The following RIC1 variants were observed in gnomAD, a reference collection of about 807,000 sequenced individuals.
RIC1 encodes guanine nucleotide exchange factor subunit RIC1.
In RIC1, 88 loss-of-function variants were observed where a neutral mutation model predicts 169.0. That is an observed-to-expected ratio of 0.52 (90% CI 0.44 to 0.62). RIC1 has a LOEUF of 0.62. Ranked by LOEUF, RIC1 falls within the 20% of genes least tolerant of loss-of-function variation. RIC1 has a pLI of 0.00. For missense variants in RIC1, 1,877 were observed against 1,725.5 expected, an observed-to-expected ratio of 1.09 and a Z score of -1.56; for synonymous variants, 790 against 601.5, an observed-to-expected ratio of 1.31 and a Z score of -4.59.
chr9:5,732,412 G>A lies in RIC1; in HGVS notation c.745G>A (p.Asp249Asn). The A allele has an allele frequency of 6.2e-7, 1 of 1,610,458 alleles. No individual in the cohort carries two copies. Residue 249 changes from aspartate (D) to asparagine (N), a missense_variant, in exon 7 of 26, where the codon GAT becomes AAT. This residue lies in a region of RIC1 where 1,104 missense variants were observed against 992.0 expected (regional missense o/e 1.11). Coordinates refer to ENST00000414202, the MANE Select transcript of RIC1 (RefSeq NM_020829.4). ...AEQLHGVWPQ[D>N]VVDGTCVAVN... ...GCAGCTTCATGGAGTTTGGCCACAAGATGTTGTTGACGGAACGTGTGTAGC... is the reference window on the plus strand; with the variant it reads ...GCAGCTTCATGGAGTTTGGCCACAAAATGTTGTTGACGGAACGTGTGTAGC...
intron 17 of RIC1, among the ~76,000 whole-genome samples, chr9:5,758,752 CT>C (rs1233419584): frequency 4.9e-4 from 18 of 36,402 alleles, no homozygotes; most frequent in East Asian, 8.0e-4. Context: ...GTCCTTTTTT[CT>C]TTTTTTTTTT....
chr9:5,763,578 T>G lies in RIC1; in HGVS notation c.2551T>G (p.Cys851Gly), dbSNP rs771156904. The change falls in exon 19 of 26, where the codon TGT becomes GGT. Residue 851 changes from cysteine to glycine, a missense_variant. Transcript: ENST00000414202. This position sits in a 1 kb window ranked among gnomAD's most constrained non-coding sequence, Gnocchi z 5.2. ...GEQALLLAQS[C>G]ATLPYFPHVL... ...GCAAGCCTTGCTCTTGGCCCAGTCCTGTGCCACATTACCTTACTTCCCTCA... is the reference window on the plus strand; with the variant it reads ...GCAAGCCTTGCTCTTGGCCCAGTCCGGTGCCACATTACCTTACTTCCCTCA... 3.7e-6 allele frequency: 6 copies of G among 1,614,188 alleles called. No homozygotes were observed. The South Asian group carries it at 6.6e-5, about 18-fold the overall frequency.
intron 15 of RIC1, among the ~76,000 whole-genome samples, chr9:5,755,599 C>T (rs1825961653): frequency 6.6e-6 from 1 of 152,094 alleles, no homozygotes; most frequent in Non-Finnish European, 1.5e-5. Flanking sequence ...TTTTGAGAAA[C>T]AGCTGGTCTT....
chr9:5,720,596 G>A lies in RIC1; in HGVS notation c.584-18G>A, dbSNP rs1823528812. The A allele has an allele frequency of 6.4e-7, 1 of 1,571,966 alleles. No homozygotes were observed. Among genetic ancestry groups the A allele is most frequent in the African/African-American group, 1.4e-5 (1 of 72,316 alleles). ...TTATATTCTTAATCCTATTTCATGT[G>A]CTTATTTTTTTCATCAGTAGGTTCA... On this transcript the variant is annotated intron_variant, in intron 5 of 25. Coordinates refer to ENST00000414202, the MANE Select transcript of RIC1 (RefSeq NM_020829.4).
chr9:5,632,906 G>A (rs570900075), intron 1 of RIC1, among the ~76,000 whole-genome samples: 1 of 152,128 alleles, frequency 6.6e-6, no homozygotes, highest in Non-Finnish European at 1.5e-5. Context: ...AGACATTCTC[G>A]TTTTTCAGGT....
intron 2 of RIC1, among the ~76,000 whole-genome samples, chr9:5,657,398 T>C (rs2130458116): frequency 6.6e-6 from 1 of 152,282 alleles, no homozygotes; most frequent in African/African-American, 2.4e-5. Context: ...TTAACATTAT[T>C]GAGCACCTCC....
At chr9:5,728,547 G>C (rs1334596376) in intron 6 of RIC1, among the ~76,000 whole-genome samples, 1 of 152,200 alleles carries the variant, frequency 6.6e-6, no homozygotes, top group Non-Finnish European at 1.5e-5. Context: ...TGCACCCACT[G>C]TCTGACAAGC....
chr9:5,736,642 T>G (rs1824723822), intron 7 of RIC1, among the ~76,000 whole-genome samples: 1 of 152,118 alleles, frequency 6.6e-6, no homozygotes, highest in Non-Finnish European at 1.5e-5. Context: ...CTCTTGAATA[T>G]TAAACTGAGA....
At chr9:5,721,405 G>T (rs1236976261) in intron 6 of RIC1, among the ~76,000 whole-genome samples, 1 of 152,130 alleles carries the variant, frequency 6.6e-6, no homozygotes, top group Admixed American at 6.5e-5. Context: ...CTGCTAACAG[G>T]CTCCCACTTC....
chr9:5,638,758 A>C (rs968378541), intron 1 of RIC1, among the ~76,000 whole-genome samples: 1 of 151,980 alleles, frequency 6.6e-6, no homozygotes, highest in African/African-American at 2.4e-5. Flanking sequence ...ATCTTTTCTA[A>C]AAAGCAACTT....
intron 2 of RIC1, among the ~76,000 whole-genome samples, chr9:5,682,932 A>T (rs1418233237): frequency 1.3e-5 from 2 of 151,982 alleles, no homozygotes; most frequent in Admixed American, 6.6e-5. Flanking sequence ...CATCGCTGAT[A>T]CCCTTTCTTC....
intron 19 of RIC1, 47 bp from the exon 20 acceptor site, chr9:5,765,367 C>T (rs1250007631): frequency 2.6e-6 from 4 of 1,565,426 alleles, no homozygotes; most frequent in Admixed American, 3.9e-5. Context: ...CATATCTTCC[C>T]AAATTGTGTA....
At chr9:5,772,089 T>C (rs555802593) in intron 23 of RIC1, among the ~76,000 whole-genome samples, 127 of 152,224 alleles carry the variant, frequency 8.3e-4, no homozygotes, top group Non-Finnish European at 1.0e-3. Flanking sequence ...TTAAATAAGG[T>C]TCACATATTG....
At chr9:5,646,300 C>G (rs1818507500) in intron 1 of RIC1, among the ~76,000 whole-genome samples, 1 of 152,040 alleles carries the variant, frequency 6.6e-6, no homozygotes. Flanking sequence ...TTCATGTATT[C>G]TGGGTATAAT....
At chr9:5,684,788 A>G (rs1207718523) in intron 2 of RIC1, among the ~76,000 whole-genome samples, 1 of 152,168 alleles carries the variant, frequency 6.6e-6, no homozygotes, top group Admixed American at 6.5e-5. Flanking sequence ...ATTAAGAATG[A>G]TGTTATAAAT....
At chr9:5,702,083 C>T (rs1480384678) in intron 3 of RIC1, among the ~76,000 whole-genome samples, 1 of 152,124 alleles carries the variant, frequency 6.6e-6, no homozygotes, top group Non-Finnish European at 1.5e-5. Flanking sequence ...GATTTTTTCC[C>T]AGTCTGAAGC....
chr9:5,680,405 C>T (rs968425286), intron 2 of RIC1, among the ~76,000 whole-genome samples: 1 of 152,150 alleles, frequency 6.6e-6, no homozygotes, highest in African/African-American at 2.4e-5. Flanking sequence ...GGAATAGTTT[C>T]AGAAGGAATG....
At chr9:5,695,327 C>T (rs1050185070) in intron 3 of RIC1, among the ~76,000 whole-genome samples, 2 of 152,068 alleles carry the variant, frequency 1.3e-5, no homozygotes, top group African/African-American at 4.8e-5. Flanking sequence ...AATGAAAATA[C>T]AGTCTGATTT....
At chr9:5,765,883 G>A in intron 21 of RIC1, 85 bp downstream of exon 21, 1 of 1,485,874 alleles carries the variant, frequency 6.7e-7, no homozygotes, top group Non-Finnish European at 9.2e-7. Context: ...GGTCTTAATG[G>A]AAACAACTAT....
Sources: gnomAD v4.1 joint callset for allele counts (sites outside exome capture counted in the v4.1 genomes callset) on GRCh38, gnomAD v4.1.1 for gene constraint, gnomAD v4.1.1 regional missense constraint, Gnocchi (gnomAD v3.1) non-coding constraint, MANE v1.5 for transcripts, NCBI Gene and HGNC (gene_info 2026-07-23, HGNC 2026-07-21) for gene names.